The following FNDC11 variants were observed in gnomAD, a reference collection of about 807,000 sequenced individuals.
The protein encoded by FNDC11 is fibronectin type III domain containing 11, also known as fibronectin type III domain-containing protein 11.
Under a neutral mutation model 15.8 loss-of-function variants are expected in FNDC11, and 15 were observed. The ratio of observed to expected loss-of-function variants is 0.95; its 90% CI spans 0.63 to 1.46. The LOEUF (loss-of-function observed/expected upper bound fraction) is 1.46. Among genes scored for constraint, FNDC11 ranks in the 40% most tolerant of loss-of-function variants. The pLI is 0.00. For missense variants in FNDC11, 416 were observed against 443.4 expected (o/e 0.94, Z 0.55); for synonymous variants, 190 against 203.1 (o/e 0.94, Z 0.55).
At chr20:63,553,075 G>A (rs890418484), upstream of FNDC11, 1 of 152,336 alleles carries the variant, frequency 6.6e-6, no homozygotes, top group African/African-American at 2.4e-5. Context: ...GATGGAAAGG[G>A]TGTCTTCCTC....
chr20:63,556,395 C>T lies in FNDC11; in HGVS notation c.732C>T (p.Phe244=), dbSNP rs1385933361. Residue 244 remains phenylalanine (F), a synonymous_variant, in exon 2 of 2, where the codon TTC becomes TTT. Transcript: ENST00000370097. Reference sequence around the variant, plus strand: ...CATCGGAGCAGTATGAGTTGCGCTTCAGGCTGCTGGACCCGCGGACACAGC... The same window carrying T: ...CATCGGAGCAGTATGAGTTGCGCTTTAGGCTGCTGGACCCGCGGACACAGC... ...PATSEQYELR[F]RLLDPRTQQE... is the part of the protein sequence containing the mutation. 6.2e-7 allele frequency: 1 copy of T among 1,612,910 alleles called. No homozygotes were observed.
At chr20:63,554,679 A>C (rs1421515353) in intron 1 of FNDC11, 1 of 152,262 alleles carries the variant, frequency 6.6e-6, no homozygotes, top group Non-Finnish European at 1.5e-5. Context: ...TCGTGAAGTC[A>C]TATCTGCCTC....
chr20:63,553,281 C>T (rs931720214), upstream of FNDC11, among the ~76,000 whole-genome samples: 2 of 152,140 alleles, frequency 1.3e-5, no homozygotes, highest in Admixed American at 6.5e-5. Flanking sequence ...ATGGAGACCC[C>T]ATTTATCCAG....
At chr20:63,555,409 T>C (rs188123267) in intron 1 of FNDC11, 2 of 550,062 alleles carry the variant, frequency 3.6e-6, no homozygotes, top group Admixed American at 3.3e-5. Flanking sequence ...GCAGTCCTAG[T>C]TCTTCCCTGT....
rs146009691 is a variant in FNDC11, at chr20:63,556,010, C to T, written c.347C>T (p.Thr116Ile). The T allele has an allele frequency of 3.7e-6, 6 of 1,600,234 alleles. No individual in the cohort carries two copies. The Admixed American group carries it at 5.0e-5, about 13-fold the overall frequency. Residue 116 changes from threonine to isoleucine, a missense_variant, in exon 2 of 2, where the codon ACA becomes ATA. Transcript: ENST00000370097. ...WKFQRMKKVG[T>I]AQTKIQLLLL... Reference sequence around the variant, plus strand: ...TTCCAGCGCATGAAGAAGGTGGGCACAGCTCAGACCAAGATCCAGCTCCTG... The same window carrying T: ...TTCCAGCGCATGAAGAAGGTGGGCATAGCTCAGACCAAGATCCAGCTCCTG...
upstream of FNDC11, chr20:63,553,918 T>C (rs1239097381): frequency 3.3e-5 from 5 of 150,394 alleles, no homozygotes; most frequent in African/African-American, 4.9e-5. Flanking sequence ...GCGTGGGGAG[T>C]GGTGCGCCCG....
Position 63,556,071 on chromosome 20 carries a change from C to T in FNDC11, c.408C>T (p.Gly136=), listed in dbSNP as rs748366233. 1.3e-6 allele frequency: 2 copies of T among 1,599,070 alleles called. No individual in the cohort carries two copies. Among genetic ancestry groups the T allele is most frequent in the Non-Finnish European group, 1.7e-6 (2 of 1,178,936 alleles). ...ACCTGTTGGAACAGCTCGACCATGG[C>T]CGTGCTGAGCTGGATGCCCTGCTCC... ...LGDLLEQLDH[G]RAELDALLRS... The change falls in exon 2 of 2, where the codon GGC becomes GGT. Residue 136 remains glycine (G), a synonymous_variant. Transcript: ENST00000370097.
intron 1 of FNDC11, 162 bp from the exon 2 acceptor site, chr20:63,555,492 C>T: frequency 8.6e-7 from 1 of 1,161,224 alleles, no homozygotes; most frequent in Non-Finnish European, 1.2e-6. Flanking sequence ...GATCTGTAGG[C>T]TGCCCATCCA....
At position 63,556,496 on chromosome 20, in the gene FNDC11, C is replaced by T. The variant is rs752824983; in HGVS notation, c.833C>T (p.Ser278Phe). 5 of 1,613,666 alleles carry T rather than the reference C, an allele frequency of 3.1e-6. No homozygotes were observed. In the East Asian group the frequency reaches 8.9e-5, roughly 29 times the overall value. The change falls in exon 2 of 2, where the codon TCC becomes TTC. Residue 278 changes from serine to phenylalanine, a missense_variant. Ser to Phe is a radical substitution (Grantham distance 155). Transcript: ENST00000370097. ...FDVRNLLPNR[S>F]YKFTIKRAET... ...GTCCGAAACCTGCTGCCCAACCGATCCTATAAGTTCACCATCAAGAGGGCC... is the reference window on the plus strand; with the variant it reads ...GTCCGAAACCTGCTGCCCAACCGATTCTATAAGTTCACCATCAAGAGGGCC...
At chr20:63,555,570 A>T in intron 1 of FNDC11, 84 bp from the exon 2 acceptor site, 1 of 1,467,130 alleles carries the variant, frequency 6.8e-7, no homozygotes, top group Non-Finnish European at 9.0e-7. Context: ...GCATGGGGTC[A>T]GTGGGCTGAA....
In FNDC11 at chr20:63,555,897, C is replaced by A; in HGVS notation, c.234C>A (p.Ile78=). 1 of 1,609,706 alleles carries A rather than the reference C, an allele frequency of 6.2e-7. No individual in the cohort carries two copies. The highest frequency in any genetic ancestry group is 8.5e-7 in the Non-Finnish European group (1 of 1,179,894). The part of the protein sequence containing the change: ...MQLLRKCSYY[I]EVLPKHLALG... ...TGCTGCGTAAGTGCTCCTACTACAT[C>A]GAGGTCCTGCCCAAGCACCTGGCCC... Residue 78 remains isoleucine, a synonymous_variant, in exon 2 of 2, where the codon ATC becomes ATA. Coordinates refer to ENST00000370097, the MANE Select transcript of FNDC11 (RefSeq NM_001319152.2).
chr20:63,553,634 G>A (rs2082779493), upstream of FNDC11: 2 of 137,350 alleles, frequency 1.5e-5, no homozygotes, highest in Non-Finnish European at 2.9e-5. Flanking sequence ...GCCTGTGGTT[G>A]AGGAGCCTGC....
chr20:63,553,558 CGCGG>C (rs1569021780), upstream of FNDC11, among the ~76,000 whole-genome samples: 1 of 82,056 alleles, frequency 1.2e-5, no homozygotes, highest in African/African-American at 3.7e-5. Flanking sequence ...GGGGGGAGCC[CGCGG>C]TGGGAGGAGC....
At position 63,555,824 on chromosome 20, in the gene FNDC11, C is replaced by T. The variant is rs772820280; in HGVS notation, c.161C>T (p.Ser54Leu). 8.1e-6 allele frequency: 13 copies of T among 1,613,576 alleles called. No homozygotes were observed. The East Asian group carries it at 1.8e-4, about 22-fold the overall frequency. Reference protein sequence around the residue: ...RRNALREFLTSDLSPHLLKRH... With the variant: ...RRNALREFLTLDLSPHLLKRH... ...AATGCCCTGCGTGAGTTCCTGACCT[C>T]GGACCTGAGTCCGCACCTGCTCAAG... Residue 54 changes from serine to leucine, a missense_variant, in exon 2 of 2, where the codon TCG becomes TTG. Coordinates refer to ENST00000370097, the MANE Select transcript of FNDC11 (RefSeq NM_001319152.2).
chr20:63,555,390 C>A, intron 1 of FNDC11: 1 of 477,698 alleles, frequency 2.1e-6, no homozygotes, highest in South Asian at 3.6e-5. Context: ...CGGTTCTGGC[C>A]AGAAGTCCGC....
chr20:63,555,653 G>C lies in FNDC11; in HGVS notation c.-10-1G>C. ...CAGCTGACACCCAGCCCTCCCCCCAGCTCCCGGATAATGAGCACCCATGTG... is the reference window on the plus strand; with the variant it reads ...CAGCTGACACCCAGCCCTCCCCCCACCTCCCGGATAATGAGCACCCATGTG... On this transcript the variant is annotated splice_acceptor_variant, in intron 1 of 1. Transcript: ENST00000370097. LOFTEE classifies it low-confidence loss of function (5UTR_SPLICE). The C allele has an allele frequency of 6.3e-7, 1 of 1,593,660 alleles. No individual in the cohort carries two copies. The highest frequency in any genetic ancestry group is 1.1e-5 in the South Asian group (1 of 89,724).
Position 63,555,849 on chromosome 20 carries a change from G to A in FNDC11, c.186G>A (p.Lys62=). 6.2e-7 allele frequency: 1 copy of A among 1,613,200 alleles called. No homozygotes were observed. Among genetic ancestry groups the A allele is most frequent in the Non-Finnish European group, 8.5e-7 (1 of 1,179,962 alleles). ...CGGACCTGAGTCCGCACCTGCTCAAGCGCCACCACGCCCGCATGCAGCTGC... is the reference window on the plus strand; with the variant it reads ...CGGACCTGAGTCCGCACCTGCTCAAACGCCACCACGCCCGCATGCAGCTGC... The part of the protein sequence containing the change: ...LTSDLSPHLL[K]RHHARMQLLR... Residue 62 remains lysine (K), a synonymous_variant, in exon 2 of 2, where the codon AAG becomes AAA. Coordinates refer to ENST00000370097, the MANE Select transcript of FNDC11 (RefSeq NM_001319152.2).
Position 63,556,644 on chromosome 20 carries a change from C to T in FNDC11, c.*24C>T. On this transcript the variant is annotated 3_prime_UTR_variant, in exon 2 of 2. Coordinates refer to ENST00000370097, the MANE Select transcript of FNDC11 (RefSeq NM_001319152.2). ...GAGAGATGATTTTCTAATATTTATC[C>T]ACTAATAAAGAAGAGTGTAAATGCA... 8 of 1,584,824 alleles carry T rather than the reference C, an allele frequency of 5.0e-6. No homozygotes were observed. Among genetic ancestry groups the T allele is most frequent in the Non-Finnish European group, 6.9e-6 (8 of 1,160,538 alleles).
In FNDC11 at chr20:63,555,979, T is replaced by G. The variant is rs2082806421; in HGVS notation, c.316T>G (p.Trp106Gly). The change falls in exon 2 of 2, where the codon TGG becomes GGG. Residue 106 changes from tryptophan to glycine, a missense_variant. Physicochemically the swap from Trp to Gly is radical, Grantham distance 184. Transcript: ENST00000370097. ...PSALFQLIDP[W>G]KFQRMKKVGT... ...CGCCTTGTTCCAGCTCATCGACCCC[T>G]GGAAGTTCCAGCGCATGAAGAAGGT... is the stretch of plus-strand genomic sequence containing the variant. The G allele has an allele frequency of 6.2e-7, 1 of 1,600,976 alleles. No homozygotes were observed. Among genetic ancestry groups the G allele is most frequent in the Admixed American group, 1.7e-5 (1 of 59,998 alleles).
Sources: gnomAD v4.1 joint callset for allele counts (sites outside exome capture counted in the v4.1 genomes callset) on GRCh38, gnomAD v4.1.1 for gene constraint, MANE v1.5 for transcripts, NCBI Gene and HGNC (gene_info 2026-07-23, HGNC 2026-07-21) for gene names.